Variants in MYRFL observed in about 807,000 individuals in gnomAD.
MYRFL encodes myelin regulatory factor-like protein.
Under a neutral mutation model 109.4 loss-of-function variants are expected in MYRFL, and 88 were observed. The observed-to-expected ratio is 0.80, with a 90% CI of 0.68 to 0.96. The LOEUF (loss-of-function observed/expected upper bound fraction) is 0.96. Ranked by LOEUF, MYRFL falls within the 40% of genes least tolerant of loss-of-function variation. The pLI is 0.00. For missense variants in MYRFL, 957 were observed against 954.9 expected (o/e 1.00, Z -0.03); for synonymous variants, 324 against 320.9 (o/e 1.01, Z -0.10).
At chr12:69,828,352 T>C (rs1245612847) in intron 1 of MYRFL, among the ~76,000 whole-genome samples, 1 of 152,158 alleles carries the variant, frequency 6.6e-6, no homozygotes. Flanking sequence ...TTTGCATTTA[T>C]TTATAAATTC....
intron 1 of MYRFL, among the ~76,000 whole-genome samples, chr12:69,845,116 T>A (rs1592691975): frequency 6.6e-6 from 1 of 152,202 alleles, no homozygotes; most frequent in Non-Finnish European, 1.5e-5. Context: ...AAGTGTTCCC[T>A]CCATCACAGT....
intron 19 of MYRFL, among the ~76,000 whole-genome samples, chr12:69,949,270 C>G (rs1955913625): frequency 6.6e-6 from 1 of 151,210 alleles, no homozygotes; most frequent in Non-Finnish European, 1.5e-5. Context: ...ACTGCCAAAA[C>G]TTCATAAAGT....
intron 1 of MYRFL, among the ~76,000 whole-genome samples, chr12:69,853,836 G>A (rs372918375): frequency 6.6e-5 from 10 of 150,882 alleles, no homozygotes; most frequent in East Asian, 4.0e-4. Flanking sequence ...GATCGCGGCC[G>A]GGAAGAGGCG....
chr12:69,829,903 G>A (rs1402591730), intron 1 of MYRFL, among the ~76,000 whole-genome samples: 1 of 152,078 alleles, frequency 6.6e-6, no homozygotes, highest in African/African-American at 2.4e-5. Context: ...GCCCAGTGCT[G>A]GCACTGGGCA....
At chr12:69,869,630 G>A (rs1007698680) in intron 2 of MYRFL, among the ~76,000 whole-genome samples, 3 of 152,206 alleles carry the variant, frequency 2.0e-5, no homozygotes, top group Admixed American at 2.0e-4. Flanking sequence ...GCTGAGCCGA[G>A]CTCAGTGTGA....
chr12:69,940,701 A>C (rs1955615321), intron 19 of MYRFL, among the ~76,000 whole-genome samples: 1 of 150,510 alleles, frequency 6.6e-6, no homozygotes, highest in South Asian at 2.1e-4. Flanking sequence ...TTTAAATGTA[A>C]ATGGACTAAA....
intron 5 of MYRFL, among the ~76,000 whole-genome samples, chr12:69,881,210 T>G (rs1274710625): frequency 1.3e-5 from 2 of 152,152 alleles, no homozygotes; most frequent in Admixed American, 6.6e-5. Context: ...CTTCGAGTGA[T>G]TCTCCCACCT....
intron 6 of MYRFL, among the ~76,000 whole-genome samples, chr12:69,888,003 G>A (rs720367): frequency 0.2 from 30,042 of 152,106 alleles, 3,115 homozygotes; most frequent in South Asian, 0.29. Context: ...GTATGAAACT[G>A]TCACACGCAG....
chr12:69,955,242 A>C (rs1355362323), intron 21 of MYRFL, 121 bp from the exon 22 acceptor site: 1 of 386,742 alleles, frequency 2.6e-6, no homozygotes, highest in Non-Finnish European at 4.6e-6. Context: ...TCAGTTTTCC[A>C]TATTTATTAT....
chr12:69,832,994 G>T (rs146606886), intron 1 of MYRFL, among the ~76,000 whole-genome samples: 85 of 149,298 alleles, frequency 5.7e-4, no homozygotes, highest in African/African-American at 2.0e-3. Context: ...GTGTAATTAA[G>T]AATTCATTTG....
At chr12:69,870,099 CTTTTTTTT>C (rs754843682) in intron 2 of MYRFL, among the ~76,000 whole-genome samples, 3 of 81,328 alleles carry the variant, frequency 3.7e-5, no homozygotes, top group Non-Finnish European at 4.4e-5. Context: ...ATTTTTCTTC[CTTTTTTTT>C]TTTTTTTTTT....
Position 69,936,294 on chromosome 12 carries a change from G to T in MYRFL, c.2003G>T (p.Ser668Ile). The T allele has an allele frequency of 6.5e-7, 1 of 1,536,024 alleles. No individual in the cohort carries two copies. Among genetic ancestry groups the T allele is most frequent in the Non-Finnish European group, 8.7e-7 (1 of 1,146,882 alleles). ...VPNLPPSNIT[S>I]SQEPALLPTA... is the part of the protein sequence containing the mutation. Reference sequence around the variant, plus strand: ...TTCTTTTTCTCCAGCAATATCACAAGCTCACAGGAGCCAGCTCTGCTGCCC... The same window carrying T: ...TTCTTTTTCTCCAGCAATATCACAATCTCACAGGAGCCAGCTCTGCTGCCC... Residue 668 changes from serine to isoleucine, a missense_variant, in exon 18 of 25, where the codon AGC becomes ATC. Ser to Ile is a moderately radical substitution (Grantham distance 142). Coordinates refer to ENST00000552032, the MANE Select transcript of MYRFL (RefSeq NM_182530.3).
At position 69,958,339 on chromosome 12, in the gene MYRFL, C is replaced by A. The variant is rs1490611890; in HGVS notation, c.2646+16C>A. The stretch of plus-strand genomic sequence containing the variant: ...AGCTGCACCGGTAAGCTTGCTTTTT[C>A]TTTTTCTTTTCAGTGAGAAAGAAAT... On this transcript the variant is annotated intron_variant, in intron 24 of 24. Transcript: ENST00000552032. 1 of 1,532,566 alleles carries A rather than the reference C, an allele frequency of 6.5e-7. No individual in the cohort carries two copies. Among genetic ancestry groups the A allele is most frequent in the Admixed American group, 2.0e-5 (1 of 50,402 alleles). 94.9% of individuals were successfully genotyped at this position (1,532,566 alleles called of 1,614,324 possible).
At chr12:69,958,365 T>A in intron 24 of MYRFL, 42 bp downstream of exon 24, 1 of 1,521,934 alleles carries the variant, frequency 6.6e-7, no homozygotes. Context: ...AGAAAGAAAT[T>A]GAGCAATAAA....
chr12:69,864,742 T>G (rs2136326363), intron 2 of MYRFL, among the ~76,000 whole-genome samples: 1 of 152,146 alleles, frequency 6.6e-6, no homozygotes, highest in South Asian at 2.1e-4. Flanking sequence ...GGCTGTTCTG[T>G]GCTAGGCGCT....
At position 69,891,687 on chromosome 12, in the gene MYRFL, TTCG is replaced by T. The variant is rs1566002889; in HGVS notation, c.903+523_903+525del. 2.5e-3 allele frequency among the ~76,000 whole-genome samples: 313 copies of T among 123,070 alleles called. 10 individuals are homozygous for T. Among genetic ancestry groups the T allele is most frequent in the Middle Eastern group, 7.4e-3 (2 of 270 alleles). 80.7% of individuals were successfully genotyped at this position (123,070 alleles called of 152,430 possible). A position where few individuals can be genotyped will look rare whatever the true frequency, so the allele number is the denominator to read the frequency against. On this transcript the variant is annotated intron_variant, in intron 7 of 24. Transcript: ENST00000552032. ...TTTCTTTCTTTCTTTCTTTCTTTCG[TTCG>T]TTCGTTCTTTCTTTCTTTTTTTCTT...
At chr12:69,863,201 C>G (rs1212021587) in intron 2 of MYRFL, among the ~76,000 whole-genome samples, 1 of 152,068 alleles carries the variant, frequency 6.6e-6, no homozygotes, top group Non-Finnish European at 1.5e-5. Context: ...GGATATTGGT[C>G]TAAAATTCTC....
intron 15 of MYRFL, among the ~76,000 whole-genome samples, chr12:69,930,205 G>A (rs1955226028): frequency 6.6e-6 from 1 of 152,068 alleles, no homozygotes; most frequent in Admixed American, 6.6e-5. Flanking sequence ...GGGTAGGGTG[G>A]GGGTCTTGTT....
chr12:69,957,012 T>G (rs1318268229), intron 22 of MYRFL, among the ~76,000 whole-genome samples: 1 of 151,678 alleles, frequency 6.6e-6, no homozygotes, highest in Non-Finnish European at 1.5e-5. Flanking sequence ...TACAAACCAT[T>G]TTTCGTAAAA....
Sources: allele counts gnomAD v4.1 joint callset (sites outside exome capture counted in the v4.1 genomes callset), GRCh38; gene constraint gnomAD v4.1.1; transcripts MANE v1.5; gene names NCBI Gene and HGNC (gene_info 2026-07-23, HGNC 2026-07-21).